The following ADAM22 variants were observed in gnomAD, a reference collection of about 807,000 sequenced individuals.
The protein encoded by ADAM22 is ADAM metallopeptidase domain 22.
ADAM22 carries 65 observed loss-of-function variants against 144.6 expected under a neutral mutation model. The ratio of observed to expected loss-of-function variants is 0.45; its 90% CI spans 0.37 to 0.55. ADAM22 has a LOEUF of 0.55. Ranked by LOEUF, ADAM22 falls within the 20% of genes least tolerant of loss-of-function variation. The pLI is 0.00. For missense variants in ADAM22, 974 were observed against 1,184.9 expected, an observed-to-expected ratio of 0.82 and a Z score of 2.61; for synonymous variants, 391 against 412.6, an observed-to-expected ratio of 0.95 and a Z score of 0.63.
At chr7:88,159,136 C>G (rs996158231) in intron 22 of ADAM22, among the ~76,000 whole-genome samples, 1 of 151,930 alleles carries the variant, frequency 6.6e-6, no homozygotes, top group Non-Finnish European at 1.5e-5. Flanking sequence ...CTGTGGCACA[C>G]AAACTAGAAA....
At chr7:88,191,392 G>A (rs1031735394) in intron 30 of ADAM22, among the ~76,000 whole-genome samples, 1 of 152,196 alleles carries the variant, frequency 6.6e-6, no homozygotes, top group Non-Finnish European at 1.5e-5. Flanking sequence ...TGTTTTGCAT[G>A]ATCCCCTAAA....
chr7:87,955,353 G>A (rs180994034), intron 2 of ADAM22, among the ~76,000 whole-genome samples: 3,405 of 152,300 alleles, frequency 0.022, 123 homozygotes, highest in African/African-American at 0.077. Flanking sequence ...CCTTCTAACA[G>A]ACAGGACCCT....
At chr7:88,044,657 A>G (rs1251758867) in intron 3 of ADAM22, among the ~76,000 whole-genome samples, 2 of 151,854 alleles carry the variant, frequency 1.3e-5, no homozygotes, top group African/African-American at 4.8e-5. Flanking sequence ...TGTGTTAGCC[A>G]GGATGGTCTC....
In ADAM22 at chr7:88,200,850, T is replaced by C. The variant is rs1014956521; in HGVS notation, c.*4359T>C. On this transcript the variant is annotated 3_prime_UTR_variant, in exon 32 of 32. Coordinates refer to ENST00000413139, the MANE Select transcript of ADAM22 (RefSeq NM_001324418.2). Reference sequence around the variant, plus strand: ...AACTTTTCTCCTGGCATGGAAGAACTAAGGACTTTGATAAACAGTTTCCCA... The same window carrying C: ...AACTTTTCTCCTGGCATGGAAGAACCAAGGACTTTGATAAACAGTTTCCCA... The C allele has an allele frequency of 1.3e-5, 2 of 152,300 alleles. No individual in the cohort carries two copies. The highest frequency in any genetic ancestry group is 4.8e-5 in the African/African-American group (2 of 41,470). The allele number at this position is 152,300 out of a possible 1,614,324, so 9.4% of individuals were successfully genotyped here.
chr7:88,151,890 TTTAGATTTAAATTA>T (rs1168942766), intron 20 of ADAM22, among the ~76,000 whole-genome samples: 2 of 152,184 alleles, frequency 1.3e-5, no homozygotes, highest in African/African-American at 4.8e-5. Context: ...ATATATGATA[TTTAGATTTAAATTA>T]TACTCTATTT....
At chr7:88,115,209 C>G (rs375301156) in intron 6 of ADAM22, among the ~76,000 whole-genome samples, 3 of 152,188 alleles carry the variant, frequency 2.0e-5, no homozygotes, top group African/African-American at 7.2e-5. Context: ...GAATGAGACT[C>G]CGTCTCCAAA....
At chr7:88,134,881 A>G (rs961330682) in intron 13 of ADAM22, among the ~76,000 whole-genome samples, 2 of 152,170 alleles carry the variant, frequency 1.3e-5, no homozygotes, top group African/African-American at 4.8e-5. Flanking sequence ...TTTGGTATCT[A>G]TGAAGAATGT....
rs1554373733 is a variant in ADAM22, at chr7:87,982,701, T to TATATATATATATATATATATATAA, written c.323+4289_323+4290insATATATATATATATATATATATAA. ...TATATATATATATATATATATATAATTTTTTTTTTTGAGATACAGTTTTGC... is the reference window on the plus strand; with the variant it reads ...TATATATATATATATATATATATAATATATATATATATATATATATATAATTTTTTTTTTGAGATACAGTTTTGC... On this transcript the variant is annotated intron_variant, in intron 3 of 31. Transcript: ENST00000413139. Among the ~76,000 whole-genome samples the TATATATATATATATATATATATAA allele has an allele frequency of 2.0e-3, 66 of 33,734 alleles. 2 individuals carry two copies. The highest frequency in any genetic ancestry group is 3.8e-3 in the South Asian group (3 of 780). The allele number at this position is 33,734 out of a possible 152,430, so 22.1% of individuals were successfully genotyped here. A position where few individuals can be genotyped will look rare whatever the true frequency, so the allele number is the denominator to read the frequency against.
intron 21 of ADAM22, 91 bp from the exon 22 acceptor site, chr7:88,155,796 A>T: frequency 6.8e-7 from 1 of 1,472,602 alleles, no homozygotes; most frequent in Admixed American, 2.2e-5. Context: ...CTTGATGAAA[A>T]CCAAATGCTA....
At chr7:87,977,768 T>G (rs1424496111) in intron 2 of ADAM22, among the ~76,000 whole-genome samples, 2 of 152,130 alleles carry the variant, frequency 1.3e-5, no homozygotes, top group Non-Finnish European at 2.9e-5. Context: ...AACATTTTGA[T>G]AGGTGATATT....
intron 7 of ADAM22, among the ~76,000 whole-genome samples, chr7:88,120,226 G>A (rs894119834): frequency 2.6e-5 from 4 of 151,606 alleles, no homozygotes; most frequent in African/African-American, 4.8e-5. Context: ...TGTGTACAAC[G>A]TGCAGGTTTG....
At chr7:87,970,482 C>T (rs1173121695) in intron 2 of ADAM22, among the ~76,000 whole-genome samples, 3 of 152,084 alleles carry the variant, frequency 2.0e-5, no homozygotes, top group Admixed American at 1.3e-4. Context: ...AACATCAATT[C>T]GTTATTCAGG....
chr7:88,081,772 A>T (rs1025175212), intron 4 of ADAM22, among the ~76,000 whole-genome samples: 1 of 141,176 alleles, frequency 7.1e-6, no homozygotes, highest in Non-Finnish European at 1.5e-5. Flanking sequence ...TAGGAATCCA[A>T]CTTACAAGGG....
chr7:88,113,676 A>AAT (rs1554478433), intron 5 of ADAM22, among the ~76,000 whole-genome samples: 12 of 121,614 alleles, frequency 9.9e-5, no homozygotes, highest in Non-Finnish European at 8.2e-5. Flanking sequence ...ATATATATAT[A>AAT]ATATATATAT....
At chr7:87,960,606 G>T (rs531869576) in intron 2 of ADAM22, among the ~76,000 whole-genome samples, 10 of 152,188 alleles carry the variant, frequency 6.6e-5, no homozygotes, top group African/African-American at 2.4e-4. Flanking sequence ...GTTTTCACTA[G>T]AACTAGAGAT....
intron 4 of ADAM22, among the ~76,000 whole-genome samples, chr7:88,085,062 C>T (rs1232827560): frequency 6.6e-6 from 1 of 152,148 alleles, no homozygotes; most frequent in Non-Finnish European, 1.5e-5. Context: ...CTTTAGAGAC[C>T]CTGTCTCTAC....
chr7:87,957,092 A>G (rs1359470789), intron 2 of ADAM22, among the ~76,000 whole-genome samples: 2 of 152,170 alleles, frequency 1.3e-5, no homozygotes, highest in South Asian at 2.1e-4. Flanking sequence ...AGGATTCCTC[A>G]CAGGTAAGCT....
intron 3 of ADAM22, among the ~76,000 whole-genome samples, chr7:88,067,735 T>C (rs1462234509): frequency 6.6e-6 from 1 of 152,096 alleles, no homozygotes; most frequent in African/African-American, 2.4e-5. Flanking sequence ...TTTTACTTGA[T>C]CACATTTATT....
intron 5 of ADAM22, among the ~76,000 whole-genome samples, chr7:88,111,686 TC>T (rs1826082663): frequency 6.6e-6 from 1 of 151,670 alleles, no homozygotes; most frequent in African/African-American, 2.4e-5. Context: ...GACGACTTGG[TC>T]TTAGCTATAG....
Sources: allele counts gnomAD v4.1 joint callset (sites outside exome capture counted in the v4.1 genomes callset), GRCh38; gene constraint gnomAD v4.1.1; transcripts MANE v1.5; gene names NCBI Gene and HGNC (gene_info 2026-07-23, HGNC 2026-07-21).